Variants in CHRDL1 observed in about 807,000 individuals in gnomAD.
The protein encoded by CHRDL1 is chordin like 1.
Under a neutral mutation model 40.9 loss-of-function variants are expected in CHRDL1, and 19 were observed. The ratio of observed to expected loss-of-function variants is 0.46; its 90% CI spans 0.32 to 0.68. CHRDL1 has a LOEUF of 0.68. Ranked by LOEUF, CHRDL1 falls within the 30% of genes least tolerant of loss-of-function variation. CHRDL1 has a pLI of 0.03. For missense variants in CHRDL1, 329 were observed against 352.1 expected (o/e 0.93, Z 0.53); for synonymous variants, 136 against 123.4 (o/e 1.10, Z -0.68).
intron 6 of CHRDL1, among the ~76,000 whole-genome samples, chrX:110,709,858 A>C (rs961147272): frequency 1.8e-5 from 2 of 111,201 alleles, no homozygotes; most frequent in African/African-American, 6.6e-5. Flanking sequence ...TACAAAAGTT[A>C]GCCAGATGTG....
At chrX:110,693,279 C>T (rs1448807348) in intron 8 of CHRDL1, among the ~76,000 whole-genome samples, 2 of 111,788 alleles carry the variant, frequency 1.8e-5, no homozygotes, top group African/African-American at 6.5e-5. Context: ...GCATGTCAGT[C>T]TTAACCTGAT....
At chrX:110,715,705 A>G (rs150025579) in intron 6 of CHRDL1, among the ~76,000 whole-genome samples, 2,744 of 111,727 alleles carry the variant, frequency 0.025, 81 homozygotes, top group African/African-American at 0.084. Context: ...CCTTTCTATT[A>G]TCAATTGTTT....
chrX:110,687,565 T>C (rs938282548), intron 9 of CHRDL1, among the ~76,000 whole-genome samples: 1 of 112,209 alleles, frequency 8.9e-6, no homozygotes, highest in African/African-American at 3.2e-5. Flanking sequence ...TGAATTTTCA[T>C]CTGTGTTTAT....
chrX:110,708,499 C>A (rs892225530), intron 6 of CHRDL1, among the ~76,000 whole-genome samples: 10 of 111,155 alleles, frequency 9.0e-5, no homozygotes, highest in African/African-American at 3.3e-4. Flanking sequence ...AAAAATACTT[C>A]TTTGTCAAAT....
chrX:110,688,485 A>G, intron 9 of CHRDL1, 109 bp downstream of exon 9: 1 of 537,906 alleles, frequency 1.9e-6, no homozygotes, highest in East Asian at 3.4e-5. Context: ...TATTAGAAAT[A>G]TTATCATTAC....
chrX:110,766,858 A>G (rs1412869720), intron 2 of CHRDL1, among the ~76,000 whole-genome samples: 4 of 111,668 alleles, frequency 3.6e-5, no homozygotes, highest in African/African-American at 1.3e-4. Context: ...GCATCACCCT[A>G]ACACCAAAAC....
At chrX:110,721,566 G>C (rs1338727271) in intron 4 of CHRDL1, 36 bp from the exon 5 acceptor site, 1 of 1,146,024 alleles carries the variant, frequency 8.7e-7, no homozygotes, top group Non-Finnish European at 1.2e-6. Context: ...ACTGAGTATT[G>C]GCATCATTGA....
intron 6 of CHRDL1, among the ~76,000 whole-genome samples, chrX:110,711,355 A>G (rs757041160): frequency 8.9e-6 from 1 of 111,868 alleles, no homozygotes; most frequent in African/African-American, 3.2e-5. Flanking sequence ...AAACTTAAGT[A>G]TACAATACTA....
intron 4 of CHRDL1, among the ~76,000 whole-genome samples, chrX:110,725,986 G>C (rs975494520): frequency 6.3e-5 from 7 of 111,521 alleles, no homozygotes; most frequent in Non-Finnish European, 1.3e-4. Context: ...ATGACACACA[G>C]AGAGACATAC....
In CHRDL1 at chrX:110,719,915, T is replaced by C; in HGVS notation, c.461A>G (p.Tyr154Cys). Reference protein sequence around the residue: ...TQCSCSEGNVYCGLKTCPKLT... With the variant: ...TQCSCSEGNVCCGLKTCPKLT... ...TTTGGGGCAAGTCTTGAGACCACAATACACGTTTCCCTCCTGCCAAGGAGA... is the reference window on the plus strand; with the variant it reads ...TTTGGGGCAAGTCTTGAGACCACAACACACGTTTCCCTCCTGCCAAGGAGA... The change falls in exon 6 of 12, where the codon TAT becomes TGT. Residue 154 changes from tyrosine (Y) to cysteine (C), a missense_variant. By Grantham distance (194) the Tyr-to-Cys change is radical. Coordinates refer to ENST00000372042, the MANE Select transcript of CHRDL1 (RefSeq NM_001143981.2). 3.4e-6 allele frequency: 4 copies of C among 1,187,164 alleles called. No homozygotes were observed. The highest frequency in any genetic ancestry group is 4.6e-6 in the Non-Finnish European group (4 of 873,825).
intron 4 of CHRDL1, among the ~76,000 whole-genome samples, chrX:110,728,384 A>C (rs183963981): frequency 9.0e-5 from 10 of 111,647 alleles, no homozygotes; most frequent in African/African-American, 2.9e-4. Flanking sequence ...ACTACGTTTG[A>C]AAAAACTTCT....
Position 110,694,155 on chromosome X carries a change from C to T in CHRDL1, c.778+8G>A. ...TGTGGAAGTATACAAAAGAAGGATG[C>T]CCCTTACCTTGTCCATGCTTGTGTT... On this transcript the variant is annotated splice_region_variant and intron_variant, in intron 8 of 11. Coordinates refer to ENST00000372042, the MANE Select transcript of CHRDL1 (RefSeq NM_001143981.2). The T allele has an allele frequency of 8.4e-7, 1 of 1,192,528 alleles. No homozygotes were observed. The highest frequency in any genetic ancestry group is 1.1e-6 in the Non-Finnish European group (1 of 879,640).
intron 9 of CHRDL1, among the ~76,000 whole-genome samples, chrX:110,684,454 G>A (rs2069963980): frequency 9.0e-6 from 1 of 111,130 alleles, no homozygotes; most frequent in Non-Finnish European, 1.9e-5. Flanking sequence ...ACCCCTTCAC[G>A]TCATTCAGGA....
At chrX:110,703,235 A>C (rs753156140) in intron 6 of CHRDL1, among the ~76,000 whole-genome samples, 4 of 112,006 alleles carry the variant, frequency 3.6e-5, no homozygotes, top group Non-Finnish European at 7.5e-5. Flanking sequence ...TGATGGATGC[A>C]GGAGTTTGTG....
intron 10 of CHRDL1, among the ~76,000 whole-genome samples, 165 bp downstream of exon 10, chrX:110,681,317 T>C (rs2069891546): frequency 8.9e-6 from 1 of 112,279 alleles, no homozygotes; most frequent in Non-Finnish European, 1.9e-5. Flanking sequence ...ATCGTTAAAT[T>C]TGAAAGGCCA....
intron 2 of CHRDL1, among the ~76,000 whole-genome samples, chrX:110,784,602 T>A (rs1193645809): frequency 2.7e-5 from 3 of 111,143 alleles, no homozygotes; most frequent in Non-Finnish European, 5.7e-5. Context: ...TTAGTAGGGA[T>A]GGGGTTTCAC....
rs185209888 is a variant in CHRDL1 at position 110,676,840 on chromosome X, T to C, written c.1247-479A>G. Among the ~76,000 whole-genome samples the C allele has an allele frequency of 1.4e-4, 16 of 110,809 alleles. No individual in the cohort carries two copies. In the East Asian group the frequency reaches 4.3e-3, roughly 30 times the overall value. The stretch of plus-strand genomic sequence containing the variant: ...TACTTGATTACTATTTGATTATATA[T>C]CACTCTTTCCTCTATTCCTGCTATC... On this transcript the variant is annotated intron_variant, in intron 11 of 11. Transcript: ENST00000372042.
intron 2 of CHRDL1, among the ~76,000 whole-genome samples, chrX:110,770,938 G>C (rs2089746056): frequency 9.0e-6 from 1 of 111,251 alleles, no homozygotes; most frequent in Non-Finnish European, 1.9e-5. Context: ...CCTGAGGTCA[G>C]GAGTTCAAGA....
At chrX:110,701,466 C>T (rs1475214968) in intron 6 of CHRDL1, among the ~76,000 whole-genome samples, 1 of 111,329 alleles carries the variant, frequency 9.0e-6, no homozygotes, top group African/African-American at 3.3e-5. Flanking sequence ...ACCAGAAACA[C>T]AAAAAAGTGT....
Sources: allele counts gnomAD v4.1 joint callset (sites outside exome capture counted in the v4.1 genomes callset), GRCh38; gene constraint gnomAD v4.1.1; transcripts MANE v1.5; gene names NCBI Gene and HGNC (gene_info 2026-07-23, HGNC 2026-07-21).